OSTN: variants seen among roughly 807,000 people sequenced by gnomAD.
OSTN encodes osteocrin.
OSTN carries 9 observed loss-of-function variants against 12.0 expected under a neutral mutation model. The ratio of observed to expected loss-of-function variants is 0.75; its 90% CI spans 0.45 to 1.30. The LOEUF (loss-of-function observed/expected upper bound fraction) is 1.30, where lower values mean the gene tolerates loss of function less well. Ranked by LOEUF, OSTN falls within the 50% of genes most tolerant of loss-of-function variation. The pLI is 0.00. For synonymous variants in OSTN, 59 were observed against 56.9 expected (o/e 1.04, Z -0.16); for missense variants, 148 against 152.3 (o/e 0.97, Z 0.15).
At chr3:191,245,830 C>A (rs1377430775) in intron 3 of OSTN, among the ~76,000 whole-genome samples, 1 of 151,944 alleles carries the variant, frequency 6.6e-6, no homozygotes, top group Non-Finnish European at 1.5e-5. Context: ...CTTTGGGAGG[C>A]CGAGGCGGGT....
At chr3:191,225,310 AATTTT>A (rs1714881256) in intron 3 of OSTN, among the ~76,000 whole-genome samples, 1 of 152,190 alleles carries the variant, frequency 6.6e-6, no homozygotes, top group African/African-American at 2.4e-5. Flanking sequence ...ATTTATTATT[AATTTT>A]ATTTACCGTT....
At chr3:191,243,337 G>C (rs966480738) in intron 3 of OSTN, among the ~76,000 whole-genome samples, 7 of 152,068 alleles carry the variant, frequency 4.6e-5, no homozygotes, top group African/African-American at 1.7e-4. Context: ...CCAAAGGCAG[G>C]TACAGCTGAA....
At chr3:191,215,270 C>T (rs1714578524) in intron 2 of OSTN, among the ~76,000 whole-genome samples, 1 of 152,180 alleles carries the variant, frequency 6.6e-6, no homozygotes. Flanking sequence ...GATTCAATCA[C>T]CTCCACCTGG....
At chr3:191,236,791 C>T (rs1380179062) in intron 3 of OSTN, among the ~76,000 whole-genome samples, 1 of 152,098 alleles carries the variant, frequency 6.6e-6, no homozygotes, top group African/African-American at 2.4e-5. Context: ...TAACTGTAAA[C>T]ATCCTCTGAC....
intron 1 of OSTN, among the ~76,000 whole-genome samples, chr3:191,204,125 G>A (rs1342275801): frequency 6.6e-6 from 1 of 152,124 alleles, no homozygotes; most frequent in Non-Finnish European, 1.5e-5. Flanking sequence ...CCTGACCTCA[G>A]GTGATCTGCC....
intron 1 of OSTN, among the ~76,000 whole-genome samples, chr3:191,208,782 A>G (rs1201738536): frequency 6.6e-6 from 1 of 152,256 alleles, no homozygotes; most frequent in African/African-American, 2.4e-5. Context: ...TTTGAAACCT[A>G]TTTTTATGAC....
chr3:191,212,307 A>C lies in OSTN; in HGVS notation c.1-226A>C, dbSNP rs148918426. ...ATTAAATTATTATTATAGCTGTACA[A>C]CCCTAATCCAGGGTCTCCATGGAAA... On this transcript the variant is annotated intron_variant, in intron 1 of 4. Coordinates refer to ENST00000682035, the MANE Select transcript of OSTN (RefSeq NM_198184.2). Among the ~76,000 whole-genome samples the C allele has an allele frequency of 1.8e-3, 276 of 152,260 alleles. 2 individuals are homozygous for C. Among genetic ancestry groups the C allele is most frequent in the African/African-American group, 6.4e-3 (264 of 41,548 alleles).
intron 3 of OSTN, among the ~76,000 whole-genome samples, chr3:191,242,806 G>C (rs1266339255): frequency 6.6e-6 from 1 of 152,120 alleles, no homozygotes; most frequent in Non-Finnish European, 1.5e-5. Flanking sequence ...TTTATTACAT[G>C]AGATGCAAAA....
intron 3 of OSTN, among the ~76,000 whole-genome samples, chr3:191,221,007 A>G (rs765374660): frequency 6.6e-6 from 1 of 152,084 alleles, no homozygotes; most frequent in Admixed American, 6.6e-5. Context: ...AGGGGAAGGT[A>G]ATTGATCATG....
intron 3 of OSTN, among the ~76,000 whole-genome samples, chr3:191,227,057 A>G (rs574080432): frequency 1.3e-5 from 2 of 152,298 alleles, no homozygotes; most frequent in South Asian, 4.1e-4. Flanking sequence ...ACCATAAAAC[A>G]AAGTAAAAAC....
intron 2 of OSTN, among the ~76,000 whole-genome samples, chr3:191,216,207 C>G (rs1714606588): frequency 6.6e-6 from 1 of 152,170 alleles, no homozygotes; most frequent in East Asian, 1.9e-4. Context: ...GTATGTTGGC[C>G]CCCTTAGCCA....
chr3:191,242,632 G>C (rs191817897), intron 3 of OSTN, among the ~76,000 whole-genome samples: 17 of 152,208 alleles, frequency 1.1e-4, no homozygotes, highest in Admixed American at 3.3e-4. Flanking sequence ...GGACTCAAGG[G>C]ATACTCCCTC....
intron 4 of OSTN, among the ~76,000 whole-genome samples, chr3:191,255,581 T>C (rs977533676): frequency 6.6e-6 from 1 of 152,196 alleles, no homozygotes; most frequent in Non-Finnish European, 1.5e-5. Flanking sequence ...AAACATTATA[T>C]TCCTAGAAAC....
intron 3 of OSTN, among the ~76,000 whole-genome samples, chr3:191,228,246 C>T (rs1260780034): frequency 1.3e-5 from 2 of 152,152 alleles, no homozygotes; most frequent in Non-Finnish European, 2.9e-5. Context: ...GCTCACTTTG[C>T]ACATTTTCTG....
intron 3 of OSTN, among the ~76,000 whole-genome samples, chr3:191,225,613 G>A (rs1264652237): frequency 6.6e-6 from 1 of 152,020 alleles, no homozygotes; most frequent in Non-Finnish European, 1.5e-5. Context: ...AGAAAATGTG[G>A]TATATAGACA....
chr3:191,250,844 T>A (rs1715545102), intron 4 of OSTN, among the ~76,000 whole-genome samples: 1 of 152,164 alleles, frequency 6.6e-6, no homozygotes, highest in Non-Finnish European at 1.5e-5. Context: ...GCACTTTATG[T>A]GCATTGCTTC....
At chr3:191,199,701 T>A (rs562899478) in intron 1 of OSTN, among the ~76,000 whole-genome samples, 1 of 152,210 alleles carries the variant, frequency 6.6e-6, no homozygotes, top group Non-Finnish European at 1.5e-5. Context: ...TTTTTCCTCA[T>A]TATTTCTATC....
At chr3:191,218,084 G>A (rs1714667669) in intron 2 of OSTN, among the ~76,000 whole-genome samples, 1 of 151,972 alleles carries the variant, frequency 6.6e-6, no homozygotes, top group African/African-American at 2.4e-5. Flanking sequence ...CCTGGCACAA[G>A]GCAAAAAATA....
intron 3 of OSTN, among the ~76,000 whole-genome samples, chr3:191,249,514 TACAAA>T (rs1715510688): frequency 1.3e-5 from 2 of 152,160 alleles, no homozygotes; most frequent in Non-Finnish European, 2.9e-5. Context: ...GACCATCACA[TACAAA>T]GCTTCTCTGG....
Sources: allele counts gnomAD v4.1 joint callset (sites outside exome capture counted in the v4.1 genomes callset), GRCh38; gene constraint gnomAD v4.1.1; transcripts MANE v1.5; gene names NCBI Gene and HGNC (gene_info 2026-07-23, HGNC 2026-07-21).